Variants in ABCC4 observed in about 807,000 individuals in gnomAD.
ABCC4 encodes ATP binding cassette subfamily C member 4 (PEL blood group), also known as ATP-binding cassette sub-family C member 4.
In ABCC4, 102 loss-of-function variants were observed where a neutral mutation model predicts 168.5. The ratio of observed to expected loss-of-function variants is 0.61; its 90% confidence interval spans 0.52 to 0.71. The LOEUF (loss-of-function observed/expected upper bound fraction) is 0.71, where lower values mean the gene tolerates loss of function less well. Among genes scored for constraint, ABCC4 ranks in the 30% least tolerant of loss-of-function variants. The pLI is 0.00. For synonymous variants in ABCC4, 617 were observed against 590.7 expected (o/e 1.04, Z -0.65); for missense variants, 1,402 against 1,605.8 (o/e 0.87, Z 2.17).
At chr13:95,033,543 T>C (rs2031982719) in intron 30 of ABCC4, among the ~76,000 whole-genome samples, 1 of 152,202 alleles carries the variant, frequency 6.6e-6, no homozygotes, top group African/African-American at 2.4e-5. Flanking sequence ...ATCACCATTG[T>C]TGGAAAGAGA....
intron 21 of ABCC4, among the ~76,000 whole-genome samples, chr13:95,076,914 C>T (rs562169224): frequency 1.3e-5 from 2 of 151,998 alleles, no homozygotes; most frequent in South Asian, 2.1e-4. Flanking sequence ...TGCACACCAC[C>T]GTGCCTGGAT....
intron 1 of ABCC4, among the ~76,000 whole-genome samples, chr13:95,272,078 C>A (rs1329657553): frequency 6.6e-6 from 1 of 150,834 alleles, no homozygotes; most frequent in South Asian, 2.1e-4. Context: ...AACTTTCGCT[C>A]TTGTTGCCCA....
chr13:95,183,094 G>A (rs1490882660), intron 11 of ABCC4, among the ~76,000 whole-genome samples: 1 of 139,090 alleles, frequency 7.2e-6, no homozygotes, highest in Non-Finnish European at 1.5e-5. Flanking sequence ...TTTTTTTTGC[G>A]GGGGAGGGTG....
intron 1 of ABCC4, among the ~76,000 whole-genome samples, chr13:95,255,225 C>T (rs916969427): frequency 3.9e-5 from 6 of 152,150 alleles, no homozygotes; most frequent in Admixed American, 1.3e-4. Context: ...GCACACTTCT[C>T]GTGTAACACT....
At chr13:95,268,821 G>C (rs1299361939) in intron 1 of ABCC4, among the ~76,000 whole-genome samples, 1 of 152,012 alleles carries the variant, frequency 6.6e-6, no homozygotes, top group African/African-American at 2.4e-5. Context: ...AAATACTGAG[G>C]GAACTCAGAG....
At chr13:95,252,908 A>T (rs958863817) in intron 1 of ABCC4, among the ~76,000 whole-genome samples, 1 of 152,204 alleles carries the variant, frequency 6.6e-6, no homozygotes, top group African/African-American at 2.4e-5. Flanking sequence ...CTCTATTTGG[A>T]AGCCACAAAA....
intron 19 of ABCC4, among the ~76,000 whole-genome samples, chr13:95,136,830 G>A (rs751011898): frequency 3.3e-5 from 5 of 152,220 alleles, no homozygotes; most frequent in Admixed American, 6.5e-5. Flanking sequence ...CCTGCCGAAC[G>A]CCCAGCCTGC....
intron 29 of ABCC4, among the ~76,000 whole-genome samples, chr13:95,036,585 CA>C (rs1403068246): frequency 2.6e-5 from 4 of 151,862 alleles, no homozygotes; most frequent in African/African-American, 9.7e-5. Flanking sequence ...ACAGAAAGAT[CA>C]TTTGGTCAAA....
At position 95,166,206 on chromosome 13, in the gene ABCC4, T is replaced by A; in HGVS notation, c.1986A>T (p.Gln662His). 6.2e-7 allele frequency: 1 copy of A among 1,614,142 alleles called. No homozygotes were observed. Among genetic ancestry groups the A allele is most frequent in the Non-Finnish European group, 8.5e-7 (1 of 1,180,022 alleles). ...RTFSESSVWS[Q>H]QSSRPSLKDG... ...CTTTCAAGGAGGGTCTAGAAGATTG[T>A]TGAGACCAAACCGAAGACTCTGAGA... Residue 662 changes from glutamine to histidine, a missense_variant, in exon 15 of 31, where the codon CAA becomes CAT. Gln to His is a conservative substitution (Grantham distance 24). Transcript: ENST00000645237.
At chr13:95,292,510 T>C (rs1277069627) in intron 1 of ABCC4, among the ~76,000 whole-genome samples, 6 of 152,184 alleles carry the variant, frequency 3.9e-5, no homozygotes, top group African/African-American at 1.4e-4. Context: ...AGGAGCTGCT[T>C]GATTCACAGA....
intron 27 of ABCC4, among the ~76,000 whole-genome samples, chr13:95,048,615 G>A (rs1406167020): frequency 6.6e-6 from 1 of 152,260 alleles, no homozygotes; most frequent in Non-Finnish European, 1.5e-5. Context: ...GGTGCAAGGT[G>A]TGGGGAATAG....
intron 1 of ABCC4, among the ~76,000 whole-genome samples, chr13:95,294,172 T>C (rs892940708): frequency 7.3e-5 from 11 of 151,690 alleles, no homozygotes; most frequent in Admixed American, 3.3e-4. Context: ...CAAAACCCCT[T>C]CTCTACTAAA....
chr13:95,020,298 T>C lies in ABCC4; in HGVS notation c.*1277A>G, dbSNP rs546663494. 1 of 152,390 alleles carries C rather than the reference T, an allele frequency of 6.6e-6. No homozygotes were observed. Among genetic ancestry groups the C allele is most frequent in the East Asian group, 1.9e-4 (1 of 5,194 alleles). 9.4% of individuals were successfully genotyped at this position (152,390 alleles called of 1,614,324 possible). A position where few individuals can be genotyped will look rare whatever the true frequency, so the allele number is the denominator to read the frequency against. On this transcript the variant is annotated 3_prime_UTR_variant, in exon 31 of 31. Coordinates refer to ENST00000645237, the MANE Select transcript of ABCC4 (RefSeq NM_005845.5). Reference sequence around the variant, plus strand: ...ACGTGTGCATGTCTATATACATATATGCAATTTCAGGGAGGTGACACCTTA... The same window carrying C: ...ACGTGTGCATGTCTATATACATATACGCAATTTCAGGGAGGTGACACCTTA...
chr13:95,177,769 G>C lies in ABCC4; in HGVS notation c.1665C>G (p.Ile555Met). 2 of 1,611,500 alleles carry C rather than the reference G, an allele frequency of 1.2e-6. No homozygotes were observed. The highest frequency in any genetic ancestry group is 1.7e-6 in the Non-Finnish European group (2 of 1,177,808). ...CACTGAGAGGATCGTCCAGGAGATA[G>C]ATGTCAGCATCTTGATACACTGCTC... ...LARAVYQDAD[I>M]YLLDDPLSAV... Residue 555 changes from isoleucine (I) to methionine (M), a missense_variant, in exon 13 of 31, where the codon ATC becomes ATG. Ile to Met is a conservative substitution (Grantham distance 10, BLOSUM62 1). This residue lies in a region of ABCC4 where 1,007 missense variants were observed against 1,127.3 expected (regional missense o/e 0.89). Transcript: ENST00000645237.
intron 8 of ABCC4, 102 bp from the exon 9 acceptor site, chr13:95,195,039 G>A: frequency 2.3e-6 from 2 of 875,826 alleles, no homozygotes; most frequent in Non-Finnish European, 3.6e-6. Flanking sequence ...ACTTTATACA[G>A]CCTACAGATC....
intron 4 of ABCC4, among the ~76,000 whole-genome samples, chr13:95,219,222 C>A (rs1485698330): frequency 6.6e-6 from 1 of 152,146 alleles, no homozygotes; most frequent in Non-Finnish European, 1.5e-5. Flanking sequence ...ACCCCTCAGC[C>A]CCAGACCCTG....
chr13:95,147,170 G>A (rs970300640), intron 19 of ABCC4, among the ~76,000 whole-genome samples: 2 of 152,136 alleles, frequency 1.3e-5, no homozygotes, highest in Admixed American at 6.5e-5. Context: ...TGGAAAATTA[G>A]TAGGTGTCCT....
chr13:95,275,986 C>T (rs2040961729), intron 1 of ABCC4, among the ~76,000 whole-genome samples: 1 of 152,144 alleles, frequency 6.6e-6, no homozygotes, highest in African/African-American at 2.4e-5. Context: ...AATCCTTAGC[C>T]TGAATAGCTG....
At chr13:95,192,645 C>T (rs557130719) in intron 9 of ABCC4, among the ~76,000 whole-genome samples, 2 of 152,212 alleles carry the variant, frequency 1.3e-5, no homozygotes, top group African/African-American at 2.4e-5. Context: ...GAGCTGGGCA[C>T]GGTGGCTCAT....
Sources: allele counts gnomAD v4.1 joint callset (sites outside exome capture counted in the v4.1 genomes callset), GRCh38; gene constraint gnomAD v4.1.1; regional missense constraint gnomAD v4.1.1; transcripts MANE v1.5; gene names NCBI Gene and HGNC (gene_info 2026-07-23, HGNC 2026-07-21).